The following CLEC3A variants were observed in gnomAD, a reference collection of about 807,000 sequenced individuals.
The protein encoded by CLEC3A is C-type (calcium dependent, carbohydrate-recognition domain) lectin, superfamily member 1 (cartilage-derived).
Under a neutral mutation model 20.4 loss-of-function variants are expected in CLEC3A, and 28 were observed. That is an observed-to-expected ratio of 1.37 (90% CI 1.02 to 1.88). The LOEUF (loss-of-function observed/expected upper bound fraction) is 1.88, where lower values mean the gene tolerates loss of function less well. Among genes scored for constraint, CLEC3A ranks in the 40% most tolerant of loss-of-function variants. The pLI is 0.00. For missense variants in CLEC3A, 357 were observed against 240.4 expected, an observed-to-expected ratio of 1.48 and a Z score of -3.21; for synonymous variants, 110 against 88.1, an observed-to-expected ratio of 1.25 and a Z score of -1.39.
intron 1 of CLEC3A, among the ~76,000 whole-genome samples, chr16:78,026,855 G>C (rs1330282736): frequency 6.6e-6 from 1 of 152,164 alleles, no homozygotes; most frequent in Non-Finnish European, 1.5e-5. Flanking sequence ...CAAGACTTAA[G>C]TTGCTAATAC....
At chr16:78,027,016 G>T (rs1237512606) in intron 1 of CLEC3A, among the ~76,000 whole-genome samples, 2 of 152,174 alleles carry the variant, frequency 1.3e-5, no homozygotes, top group Non-Finnish European at 2.9e-5. Context: ...TATCTTTTGA[G>T]ACACTCTCAT....
chr16:78,030,844 C>G lies in CLEC3A; in HGVS notation c.*3C>G, dbSNP rs747529228. On this transcript the variant is annotated 3_prime_UTR_variant, in exon 3 of 3. Transcript: ENST00000299642. ...GCGAGTTCACCATCCCTCAATAGGT[C>G]TTTCTCCAATGTGTCCTCCAAGCAA... 1 of 1,603,604 alleles carries G rather than the reference C, an allele frequency of 6.2e-7. No homozygotes were observed. Among genetic ancestry groups the G allele is most frequent in the Non-Finnish European group, 8.5e-7 (1 of 1,174,018 alleles).
intron 1 of CLEC3A, 82 bp downstream of exon 1, chr16:78,022,823 T>G: frequency 7.0e-7 from 1 of 1,437,154 alleles, no homozygotes; most frequent in Non-Finnish European, 9.5e-7. Flanking sequence ...TTCAAACTCC[T>G]CCAGGAGACT....
intron 1 of CLEC3A, 44 bp from the exon 2 acceptor site, chr16:78,028,063 G>T (rs746980967): frequency 7.8e-7 from 1 of 1,289,300 alleles, no homozygotes; most frequent in Non-Finnish European, 1.1e-6. Context: ...TTAATCATAC[G>T]CTTTTCATCC....
chr16:78,023,786 C>G (rs374137263), intron 1 of CLEC3A, among the ~76,000 whole-genome samples: 2 of 145,076 alleles, frequency 1.4e-5, no homozygotes, highest in African/African-American at 5.1e-5. Context: ...GAGACAGAGT[C>G]TCGCTCTGTC....
rs1383200059 is a variant in CLEC3A at position 78,031,509 on chromosome 16, T to C, written c.*668T>C. ...ATTTGAAATGAAATGACAAGGTGTA[T>C]ATTTGATCAATTTTCATTCCCACCA... On this transcript the variant is annotated 3_prime_UTR_variant, in exon 3 of 3. Transcript: ENST00000299642. The C allele has an allele frequency of 2.6e-5, 4 of 152,238 alleles. No homozygotes were observed. The South Asian group carries it at 8.3e-4, about 32-fold the overall frequency. The allele number at this position is 152,238 out of a possible 1,614,324, so 9.4% of individuals were successfully genotyped here.
chr16:78,027,705 G>A (rs547723167), intron 1 of CLEC3A, among the ~76,000 whole-genome samples: 5 of 151,916 alleles, frequency 3.3e-5, no homozygotes, highest in South Asian at 2.1e-4. Context: ...ACCAAGGCTG[G>A]AGTGCAGTGG....
At chr16:78,025,576 A>G (rs1480216835) in intron 1 of CLEC3A, among the ~76,000 whole-genome samples, 1 of 152,170 alleles carries the variant, frequency 6.6e-6, no homozygotes, top group Non-Finnish European at 1.5e-5. Context: ...GTGTTTCTAC[A>G]CTGTGTCTAC....
In CLEC3A at chr16:78,030,596, T is replaced by G. The variant is rs2030065428; in HGVS notation, c.349T>G (p.Tyr117Asp). The G allele has an allele frequency of 6.2e-7, 1 of 1,613,992 alleles. No homozygotes were observed. The highest frequency in any genetic ancestry group is 1.3e-5 in the African/African-American group (1 of 74,882). ...NSDEINALQD[Y>D]GKRSLPGVND... ...CGACGAAATCAACGCCCTCCAAGAC[T>G]ATGGTAAAAGGAGCCTGCCAGGTGT... is the stretch of plus-strand genomic sequence containing the variant. The change falls in exon 3 of 3, where the codon TAT (tyrosine) becomes GAT (aspartate). Residue 117 changes from tyrosine (Y) to aspartate (D), a missense_variant. Transcript: ENST00000299642.
rs1348027482 is a variant in CLEC3A at position 78,030,822 on chromosome 16, A to T, written c.575A>T (p.Glu192Val). Residue 192 changes from glutamate (E) to valine (V), a missense_variant, in exon 3 of 3, where the codon GAG (glutamate) becomes GTG (valine). By Grantham distance (121) the Glu-to-Val change is moderately radical (BLOSUM62 -2). Transcript: ENST00000299642. ...CGCAGCAGCAAGAGATACATATGCG[A>T]GTTCACCATCCCTCAATAGGTCTTT... ...ACRSSKRYICEFTIPQ is the reference protein window; with the variant it reads ...ACRSSKRYICVFTIPQ The T allele has an allele frequency of 6.2e-7, 1 of 1,613,052 alleles. No individual in the cohort carries two copies. Among genetic ancestry groups the T allele is most frequent in the Non-Finnish European group, 8.5e-7 (1 of 1,179,434 alleles).
At chr16:78,025,306 G>A (rs903006585) in intron 1 of CLEC3A, among the ~76,000 whole-genome samples, 1 of 152,136 alleles carries the variant, frequency 6.6e-6, no homozygotes, top group Non-Finnish European at 1.5e-5. Flanking sequence ...CACTTAATCT[G>A]ATCTCTCCCA....
intron 2 of CLEC3A, chr16:78,029,256 C>G (rs1258340435): frequency 1.1e-5 from 4 of 373,890 alleles, no homozygotes. Flanking sequence ...CGGCCTAAAA[C>G]TATCTTTATG....
intron 1 of CLEC3A, 110 bp from the exon 2 acceptor site, chr16:78,027,997 A>C: frequency 1.3e-6 from 1 of 776,112 alleles, no homozygotes; most frequent in South Asian, 1.5e-5. Flanking sequence ...CACTGGGCTC[A>C]GGTTCACCAA....
At chr16:78,029,230 T>C (rs187111111) in intron 2 of CLEC3A, 322 of 431,190 alleles carry the variant, frequency 7.5e-4, no homozygotes, top group Middle Eastern at 1.4e-3. Flanking sequence ...CTCTGAGGCC[T>C]GACTCTCCAG....
intron 1 of CLEC3A, among the ~76,000 whole-genome samples, chr16:78,025,881 G>A (rs372529339): frequency 6.6e-6 from 1 of 152,162 alleles, no homozygotes; most frequent in Non-Finnish European, 1.5e-5. Flanking sequence ...CAATTCATGT[G>A]TCTTCATGTT....
chr16:78,024,972 G>T (rs1230398877), intron 1 of CLEC3A, among the ~76,000 whole-genome samples: 4 of 152,022 alleles, frequency 2.6e-5, no homozygotes, highest in Non-Finnish European at 5.9e-5. Flanking sequence ...GACTACAGGT[G>T]CTCGCCACCA....
chr16:78,028,328 A>C, intron 2 of CLEC3A, 138 bp downstream of exon 2: 1 of 579,562 alleles, frequency 1.7e-6, no homozygotes, highest in African/African-American at 1.9e-5. Flanking sequence ...ATGCCGGGAG[A>C]TGATTGTTTT....
Position 78,030,843 on chromosome 16 carries a change from TC to T in CLEC3A, c.*3del. The T allele has an allele frequency of 6.2e-7, 1 of 1,604,024 alleles. No homozygotes were observed. Among genetic ancestry groups the T allele is most frequent in the East Asian group, 2.2e-5 (1 of 44,710 alleles). Reference sequence around the variant, plus strand: ...TGCGAGTTCACCATCCCTCAATAGGTCTTTCTCCAATGTGTCCTCCAAGCAA... The same window carrying T: ...TGCGAGTTCACCATCCCTCAATAGGTTTTCTCCAATGTGTCCTCCAAGCAA... On this transcript the variant is annotated 3_prime_UTR_variant, in exon 3 of 3. Coordinates refer to ENST00000299642, the MANE Select transcript of CLEC3A (RefSeq NM_005752.6).
At chr16:78,026,404 T>A (rs1049434558) in intron 1 of CLEC3A, among the ~76,000 whole-genome samples, 2 of 152,164 alleles carry the variant, frequency 1.3e-5, no homozygotes, top group Non-Finnish European at 2.9e-5. Context: ...ATCTTCTCTG[T>A]CTGGGGCCAT....
Sources: gnomAD v4.1 joint callset for allele counts (sites outside exome capture counted in the v4.1 genomes callset) on GRCh38, gnomAD v4.1.1 for gene constraint, MANE v1.5 for transcripts, NCBI Gene and HGNC (gene_info 2026-07-23, HGNC 2026-07-21) for gene names.